Variants in QRFPR observed in about 807,000 individuals in gnomAD.
QRFPR encodes the protein pyroglutamylated RF-amide peptide receptor.
In QRFPR, 37 loss-of-function variants were observed where a neutral mutation model predicts 31.3. The observed-to-expected ratio is 1.18, with a 90% CI of 0.91 to 1.56. QRFPR has a LOEUF of 1.56. QRFPR is among the 40% of genes most tolerant of loss of function. The probability of loss-of-function intolerance (pLI) is 0.00; values close to 1 mark genes in which losing one functional copy is unlikely to be tolerated. For synonymous variants in QRFPR, 197 were observed against 192.0 expected (o/e 1.03, Z -0.22); for missense variants, 542 against 532.5 (o/e 1.02, Z -0.18).
chr4:121,344,917 T>C (rs977124282), intron 1 of QRFPR, among the ~76,000 whole-genome samples: 1 of 152,244 alleles, frequency 6.6e-6, no homozygotes, highest in Non-Finnish European at 1.5e-5. Flanking sequence ...CTGGTAATTT[T>C]AAACTGGGAT....
chr4:121,331,583 A>G (rs1725325572), intron 4 of QRFPR, among the ~76,000 whole-genome samples: 1 of 151,268 alleles, frequency 6.6e-6, no homozygotes, highest in Non-Finnish European at 1.5e-5. Context: ...ACACATTTGC[A>G]TGGTGCTTTA....
intron 2 of QRFPR, among the ~76,000 whole-genome samples, chr4:121,338,979 T>C (rs930195545): frequency 1.3e-5 from 2 of 152,214 alleles, no homozygotes; most frequent in African/African-American, 4.8e-5. Context: ...ATGTCAATTA[T>C]TAAAAGCCCA....
rs10015833 is a variant in QRFPR at position 121,329,359 on chromosome 4, A to G, written c.1251T>C (p.Phe417=). The part of the protein sequence containing the change: ...KKKLKRHLAL[F]RSELAENSPL... Reference sequence around the variant, plus strand: ...GAGAATTCTCAGCCAGTTCAGACCTAAAGAGAGCAAGATGTCGTTTGAGCT... The same window carrying G: ...GAGAATTCTCAGCCAGTTCAGACCTGAAGAGAGCAAGATGTCGTTTGAGCT... The change falls in exon 6 of 6, where the codon TTT becomes TTC. Residue 417 remains phenylalanine (F), a synonymous_variant. Coordinates refer to ENST00000394427, the MANE Select transcript of QRFPR (RefSeq NM_198179.3). 31,425 of 1,614,042 alleles carry G rather than the reference A, an allele frequency of 0.019. 872 individuals are homozygous for G. Among genetic ancestry groups the G allele is most frequent in the South Asian group, 0.11 (10,059 of 91,048 alleles).
At chr4:121,380,194 A>AGAGTGAGAGG in intron 1 of QRFPR, 114 bp downstream of exon 1, 1 of 199,288 alleles carries the variant, frequency 5.0e-6, no homozygotes. Flanking sequence ...GAGGAGAGAG[A>AGAGTGAGAGG]GAGAGAGAGA....
chr4:121,332,799 G>C (rs1374956030), intron 4 of QRFPR, 22 bp downstream of exon 4: 7 of 1,536,690 alleles, frequency 4.6e-6, no homozygotes, highest in Middle Eastern at 3.4e-4. Context: ...ATTTAAAGAG[G>C]TGAATATTTC....
chr4:121,364,395 G>A (rs1726046736), intron 1 of QRFPR, among the ~76,000 whole-genome samples: 1 of 150,114 alleles, frequency 6.7e-6, no homozygotes, highest in African/African-American at 2.5e-5. Context: ...CCAGCACTTT[G>A]GGAGGCCGAG....
intron 2 of QRFPR, 187 bp downstream of exon 2, chr4:121,340,265 T>G: frequency 3.3e-6 from 2 of 613,784 alleles, no homozygotes; most frequent in African/African-American, 1.8e-5. Context: ...TTTTCAGTTT[T>G]GAGGTCAGCC....
chr4:121,335,407 C>G (rs1725412294), intron 3 of QRFPR, among the ~76,000 whole-genome samples: 1 of 151,866 alleles, frequency 6.6e-6, no homozygotes, highest in Non-Finnish European at 1.5e-5. Flanking sequence ...CCTTGCCAGC[C>G]CGCTGGAGGT....
At chr4:121,371,342 ATAG>A (rs1251692358) in intron 1 of QRFPR, among the ~76,000 whole-genome samples, 6 of 152,244 alleles carry the variant, frequency 3.9e-5, no homozygotes, top group Non-Finnish European at 7.3e-5. Context: ...AATGAAACAA[ATAG>A]TATAGCTTCT....
rs536994228 is a variant in QRFPR, at chr4:121,362,276, A to C, written c.340+18032T>G. Among the ~76,000 whole-genome samples the C allele has an allele frequency of 1.3e-3, 188 of 150,400 alleles. 13 individuals are homozygous for C. The highest frequency in any genetic ancestry group is 2.3e-3 in the Non-Finnish European group (155 of 67,630). ...CAAGATTTTCTGACCATAATAGAAC[A>C]ATATGGCTGGTTTTCTTTTAGTTCT... On this transcript the variant is annotated intron_variant, in intron 1 of 5. Coordinates refer to ENST00000394427, the MANE Select transcript of QRFPR (RefSeq NM_198179.3).
intron 1 of QRFPR, among the ~76,000 whole-genome samples, chr4:121,352,049 T>A (rs1242022676): frequency 6.6e-6 from 1 of 152,096 alleles, no homozygotes; most frequent in East Asian, 1.9e-4. Flanking sequence ...AAAACTTAAA[T>A]ACACTAAATT....
intron 1 of QRFPR, among the ~76,000 whole-genome samples, chr4:121,362,140 C>T (rs1726005712): frequency 6.7e-6 from 1 of 150,014 alleles, no homozygotes; most frequent in Admixed American, 6.6e-5. Flanking sequence ...GGCTCATCAG[C>T]CTCTCACCTA....
At chr4:121,372,086 C>A (rs996263482) in intron 1 of QRFPR, among the ~76,000 whole-genome samples, 2 of 152,046 alleles carry the variant, frequency 1.3e-5, no homozygotes, top group Non-Finnish European at 2.9e-5. Flanking sequence ...TAAGTGGGAG[C>A]AAGGTGGGGA....
chr4:121,361,575 C>T (rs1301344279), intron 1 of QRFPR, among the ~76,000 whole-genome samples: 1 of 149,942 alleles, frequency 6.7e-6, no homozygotes, highest in Admixed American at 6.6e-5. Flanking sequence ...AACATATGGA[C>T]CACTTAGGGA....
intron 1 of QRFPR, among the ~76,000 whole-genome samples, chr4:121,364,160 G>A (rs691192): frequency 6.7e-6 from 1 of 149,128 alleles, no homozygotes; most frequent in South Asian, 2.1e-4. Context: ...GTATGAATAC[G>A]GGTGTGGTAA....
chr4:121,376,274 G>A (rs1008218868), intron 1 of QRFPR, among the ~76,000 whole-genome samples: 1 of 152,188 alleles, frequency 6.6e-6, no homozygotes, highest in African/African-American at 2.4e-5. Context: ...TAGAGAGTGA[G>A]TCAACTGGTA....
chr4:121,367,387 C>A lies in QRFPR; in HGVS notation c.340+12921G>T, dbSNP rs529832680. On this transcript the variant is annotated intron_variant, in intron 1 of 5. Coordinates refer to ENST00000394427, the MANE Select transcript of QRFPR (RefSeq NM_198179.3). ...CTTCTGAAATAAATGAAAGCAGCACCCTTTTCTGTTTTCTGAGTACAAATG... is the reference window on the plus strand; with the variant it reads ...CTTCTGAAATAAATGAAAGCAGCACACTTTTCTGTTTTCTGAGTACAAATG... 1.2e-3 allele frequency among the ~76,000 whole-genome samples: 185 copies of A among 150,084 alleles called. 13 individuals are homozygous for A. The highest frequency in any genetic ancestry group is 4.3e-3 in the African/African-American group (176 of 40,684).
chr4:121,355,303 T>C (rs1725845324), intron 1 of QRFPR, among the ~76,000 whole-genome samples: 1 of 152,148 alleles, frequency 6.6e-6, no homozygotes, highest in East Asian at 1.9e-4. Context: ...CTTGATAGGT[T>C]ATAGGTGTCT....
chr4:121,376,751 C>T lies in QRFPR; in HGVS notation c.340+3557G>A, dbSNP rs151049703. On this transcript the variant is annotated intron_variant, in intron 1 of 5. Coordinates refer to ENST00000394427, the MANE Select transcript of QRFPR (RefSeq NM_198179.3). ...TGTAACTGGTTTGGGCTGGGGCTGG[C>T]GCAGGCCATTTTCAAAAGCCCTTCA... Among the ~76,000 whole-genome samples the T allele has an allele frequency of 4.6e-5, 7 of 152,210 alleles. No homozygotes were observed. The South Asian group carries it at 8.3e-4, about 18-fold the overall frequency.
Sources: gnomAD v4.1 joint callset for allele counts (sites outside exome capture counted in the v4.1 genomes callset) on GRCh38, gnomAD v4.1.1 for gene constraint, MANE v1.5 for transcripts, NCBI Gene and HGNC (gene_info 2026-07-23, HGNC 2026-07-21) for gene names.